The following TBL1XR1 variants were observed in gnomAD, a reference collection of about 807,000 sequenced individuals.
TBL1XR1 encodes the protein F-box-like/WD repeat-containing protein TBL1XR1.
A neutral mutation model predicts 66.9 loss-of-function variants in TBL1XR1; 5 were observed. The observed-to-expected ratio is 0.07, with a 90% CI of 0.04 to 0.16. The LOEUF (loss-of-function observed/expected upper bound fraction) is 0.16. TBL1XR1 is among the 10% of genes least tolerant of loss of function. TBL1XR1 has a pLI of 1.00. For synonymous variants in TBL1XR1, 210 were observed against 206.0 expected, an observed-to-expected ratio of 1.02 and a Z score of -0.17; for missense variants, 238 against 623.2, an observed-to-expected ratio of 0.38 and a Z score of 6.58.
At chr3:177,081,123 C>G (rs957595791) in intron 2 of TBL1XR1, among the ~76,000 whole-genome samples, 3 of 152,220 alleles carry the variant, frequency 2.0e-5, no homozygotes, top group African/African-American at 7.2e-5. Flanking sequence ...AAGTCCACTA[C>G]TTAGTCATTT....
At chr3:177,107,269 A>G (rs1250305853) in intron 1 of TBL1XR1, among the ~76,000 whole-genome samples, 1 of 152,208 alleles carries the variant, frequency 6.6e-6, no homozygotes, top group Non-Finnish European at 1.5e-5. Flanking sequence ...TGATGAACTC[A>G]AAGAGTCGCT....
chr3:177,148,144 C>T (rs1320177784), intron 1 of TBL1XR1, among the ~76,000 whole-genome samples: 1 of 152,170 alleles, frequency 6.6e-6, no homozygotes, highest in Non-Finnish European at 1.5e-5. Context: ...AAATAACCAA[C>T]TCACCAATTT....
chr3:177,072,773 G>C (rs1479225591), intron 2 of TBL1XR1, among the ~76,000 whole-genome samples: 1 of 152,188 alleles, frequency 6.6e-6, no homozygotes, highest in East Asian at 1.9e-4. Context: ...TCCTGCAAAT[G>C]AATGAAATGG....
intron 2 of TBL1XR1, among the ~76,000 whole-genome samples, chr3:177,088,290 A>T (rs754319710): frequency 8.5e-5 from 13 of 152,184 alleles, no homozygotes; most frequent in Non-Finnish European, 1.3e-4. Flanking sequence ...TCCACACTTG[A>T]TCTCATATGA....
At chr3:177,127,151 C>G (rs1291228791) in intron 1 of TBL1XR1, among the ~76,000 whole-genome samples, 2 of 152,022 alleles carry the variant, frequency 1.3e-5, no homozygotes, top group East Asian at 3.9e-4. Flanking sequence ...ATTAAAAAAC[C>G]CTTTGTGTTA....
intron 1 of TBL1XR1, among the ~76,000 whole-genome samples, chr3:177,192,411 A>AAG (rs1736270948): frequency 6.6e-6 from 1 of 151,716 alleles, no homozygotes; most frequent in African/African-American, 2.4e-5. Flanking sequence ...AAAAAAAAAA[A>AAG]AAAGAAAGAA....
At chr3:177,079,047 G>A (rs909968174) in intron 2 of TBL1XR1, among the ~76,000 whole-genome samples, 11 of 152,148 alleles carry the variant, frequency 7.2e-5, no homozygotes, top group Non-Finnish European at 1.5e-4. Context: ...ACATAAATCT[G>A]TGTAAATCCA....
chr3:177,041,624 G>A (rs1432379431), intron 10 of TBL1XR1, among the ~76,000 whole-genome samples: 1 of 152,166 alleles, frequency 6.6e-6, no homozygotes, highest in African/African-American at 2.4e-5. Flanking sequence ...CTCTACTTGT[G>A]TGTATCACCA....
chr3:177,097,292 T>C (rs1408897721), intron 2 of TBL1XR1, among the ~76,000 whole-genome samples: 2 of 152,248 alleles, frequency 1.3e-5, no homozygotes, highest in Non-Finnish European at 1.5e-5. Flanking sequence ...ATGTTATTAT[T>C]TGATTCTTTA....
At chr3:177,118,102 G>C (rs1228732089) in intron 1 of TBL1XR1, among the ~76,000 whole-genome samples, 2 of 152,150 alleles carry the variant, frequency 1.3e-5, no homozygotes, top group Non-Finnish European at 2.9e-5. Flanking sequence ...TTCTCAGCCA[G>C]AGACTCAGGA....
intron 1 of TBL1XR1, among the ~76,000 whole-genome samples, chr3:177,164,213 T>C (rs1732556085): frequency 6.6e-6 from 1 of 152,186 alleles, no homozygotes; most frequent in South Asian, 2.1e-4. Flanking sequence ...CTCCCTGACT[T>C]GACATTAAAA....
rs571361204 is a variant in TBL1XR1, at chr3:177,187,943, CTTTTTT to C, written c.-122+9172_-122+9177del. ...GCTTGAGAGTCCAGAGTACAATTTC[CTTTTTT>C]TTTTTTTTTTTTTTTTTTGAGATGG... On this transcript the variant is annotated intron_variant, in intron 1 of 15. Coordinates refer to ENST00000457928, the MANE Select transcript of TBL1XR1 (RefSeq NM_024665.7). Among the ~76,000 whole-genome samples the C allele has an allele frequency of 0.017, 1,295 of 77,826 alleles. 73 individuals are homozygous for C. The East Asian group carries it at 0.27, about 17-fold the overall frequency. 51.1% of individuals were successfully genotyped at this position (77,826 alleles called of 152,430 possible).
At chr3:177,174,921 T>C (rs1733983312) in intron 1 of TBL1XR1, among the ~76,000 whole-genome samples, 1 of 152,216 alleles carries the variant, frequency 6.6e-6, no homozygotes, top group Non-Finnish European at 1.5e-5. Context: ...AGAAGTCACT[T>C]TATGATATGA....
chr3:177,137,876 G>A (rs887189728), intron 1 of TBL1XR1, among the ~76,000 whole-genome samples: 1 of 152,132 alleles, frequency 6.6e-6, no homozygotes, highest in Non-Finnish European at 1.5e-5. Context: ...AGGCTAAGGT[G>A]GAAGGATCAA....
In TBL1XR1 at chr3:177,109,925, G is replaced by A. The variant is rs368681279; in HGVS notation, c.-121-11384C>T. Among the ~76,000 whole-genome samples, 3 of 152,308 alleles carry A rather than the reference G, an allele frequency of 2.0e-5. No homozygotes were observed. The South Asian group carries it at 6.2e-4, about 32-fold the overall frequency. ...CTGTGTACAGACAATGATGTATGAAGACGTGCCTTATATCTTGGTGTTGTC... is the reference window on the plus strand; with the variant it reads ...CTGTGTACAGACAATGATGTATGAAAACGTGCCTTATATCTTGGTGTTGTC... On this transcript the variant is annotated intron_variant, in intron 1 of 15. Transcript: ENST00000457928.
chr3:177,189,151 T>C (rs753491790), intron 1 of TBL1XR1, among the ~76,000 whole-genome samples: 5 of 151,916 alleles, frequency 3.3e-5, no homozygotes, highest in Non-Finnish European at 5.9e-5. Flanking sequence ...GAGATTGCAG[T>C]GAGCCAAGAT....
At chr3:177,075,937 G>A (rs1720643277) in intron 2 of TBL1XR1, among the ~76,000 whole-genome samples, 1 of 151,984 alleles carries the variant, frequency 6.6e-6, no homozygotes, top group South Asian at 2.1e-4. Flanking sequence ...TAGCTTCCTT[G>A]GTGTCTTAGT....
intron 1 of TBL1XR1, among the ~76,000 whole-genome samples, chr3:177,159,953 G>C (rs112446006): frequency 2.3e-4 from 35 of 152,320 alleles, no homozygotes; most frequent in African/African-American, 7.7e-4. Flanking sequence ...CCACATTAAT[G>C]CATTTAACCT....
intron 14 of TBL1XR1, 41 bp downstream of exon 14, chr3:177,032,930 A>G (rs1402488425): frequency 2.1e-6 from 3 of 1,443,118 alleles, no homozygotes; most frequent in Non-Finnish European, 1.8e-6. Flanking sequence ...GCTTCTACCT[A>G]AATTTAAGAG....
Sources: allele counts gnomAD v4.1 joint callset (sites outside exome capture counted in the v4.1 genomes callset), GRCh38; gene constraint gnomAD v4.1.1; transcripts MANE v1.5; gene names NCBI Gene and HGNC (gene_info 2026-07-23, HGNC 2026-07-21).